Variants in CSRNP3 observed in about 807,000 individuals in gnomAD.
The protein encoded by CSRNP3 is cysteine/serine-rich nuclear protein 3.
CSRNP3 carries 12 observed loss-of-function variants against 48.0 expected under a neutral mutation model. The ratio of observed to expected loss-of-function variants is 0.25; its 90% CI spans 0.16 to 0.41. The LOEUF is 0.41. Among genes scored for constraint, CSRNP3 ranks in the 10% least tolerant of loss-of-function variants. The pLI is 1.00. For synonymous variants in CSRNP3, 263 were observed against 269.7 expected (o/e 0.98, Z 0.24); for missense variants, 580 against 724.4 (o/e 0.80, Z 2.29).
chr2:165,469,894 G>A (rs757418829), intron 1 of CSRNP3, among the ~76,000 whole-genome samples, 154 bp downstream of exon 1: 2 of 152,096 alleles, frequency 1.3e-5, no homozygotes, highest in Non-Finnish European at 1.5e-5. Flanking sequence ...AGGAAGCTTT[G>A]CAATGAGCTT....
intron 5 of CSRNP3, among the ~76,000 whole-genome samples, chr2:165,658,380 G>T (rs1319832406): frequency 2.0e-5 from 3 of 152,046 alleles, no homozygotes; most frequent in African/African-American, 7.2e-5. Context: ...CAAAATAAAA[G>T]CACAACTTCA....
At chr2:165,525,284 G>T (rs1684716962) in intron 3 of CSRNP3, among the ~76,000 whole-genome samples, 1 of 151,904 alleles carries the variant, frequency 6.6e-6, no homozygotes, top group South Asian at 2.1e-4. Context: ...TTTGAGTTTT[G>T]AGAGTTCTTT....
intron 3 of CSRNP3, among the ~76,000 whole-genome samples, chr2:165,592,821 A>G (rs1233626243): frequency 2.3e-5 from 1 of 42,554 alleles, no homozygotes; most frequent in Non-Finnish European, 4.5e-5. Flanking sequence ...TTTTTTTTTG[A>G]GACGGAGTCT....
At chr2:165,569,889 T>G (rs964086347) in intron 3 of CSRNP3, among the ~76,000 whole-genome samples, 2 of 151,898 alleles carry the variant, frequency 1.3e-5, no homozygotes, top group Admixed American at 6.6e-5. Flanking sequence ...TCTGCATGTA[T>G]TAGAAAAAAA....
chr2:165,552,848 C>T (rs1011982395), intron 3 of CSRNP3, among the ~76,000 whole-genome samples: 1 of 152,016 alleles, frequency 6.6e-6, no homozygotes, highest in Non-Finnish European at 1.5e-5. Context: ...GTGTGTGCCA[C>T]CATGCCCGGC....
At chr2:165,537,084 A>G (rs1024715085) in intron 3 of CSRNP3, among the ~76,000 whole-genome samples, 1 of 151,714 alleles carries the variant, frequency 6.6e-6, no homozygotes, top group African/African-American at 2.4e-5. Flanking sequence ...ACAGCAGTCC[A>G]GATCTCTTAT....
intron 4 of CSRNP3, among the ~76,000 whole-genome samples, chr2:165,609,820 G>GCCC (rs1364908351): frequency 6.6e-6 from 1 of 152,176 alleles, no homozygotes; most frequent in Non-Finnish European, 1.5e-5. Flanking sequence ...AAAAGATCGA[G>GCCC]AAGAGAGATG....
At chr2:165,621,457 G>C in intron 4 of CSRNP3, among the ~76,000 whole-genome samples, 1 of 152,076 alleles carries the variant, frequency 6.6e-6, no homozygotes, top group Non-Finnish European at 1.5e-5. Context: ...GGAATTCCTA[G>C]TTTTACCGAT....
At chr2:165,601,081 CA>C (rs1685906764) in intron 4 of CSRNP3, among the ~76,000 whole-genome samples, 1 of 152,192 alleles carries the variant, frequency 6.6e-6, no homozygotes, top group Non-Finnish European at 1.5e-5. Flanking sequence ...AGGCAACAAG[CA>C]TACTTACCAG....
chr2:165,548,574 G>A (rs186172194), intron 3 of CSRNP3, among the ~76,000 whole-genome samples: 9 of 152,020 alleles, frequency 5.9e-5, no homozygotes, highest in Admixed American at 3.9e-4. Context: ...CACAAAGATC[G>A]CAAACAAGAT....
Position 165,494,809 on chromosome 2 carries a change from G to T in CSRNP3, c.-232G>T. 4.7e-6 allele frequency: 1 copy of T among 211,660 alleles called. No individual in the cohort carries two copies. The highest frequency in any genetic ancestry group is 1.1e-4 in the South Asian group (1 of 9,338). 13.1% of individuals were successfully genotyped at this position (211,660 alleles called of 1,614,324 possible). A position where few individuals can be genotyped will look rare whatever the true frequency, so the allele number is the denominator to read the frequency against. On this transcript the variant is annotated 5_prime_UTR_variant, in exon 2 of 7. The change creates a premature stop within an existing upstream ORF in the 5' untranslated region. Coordinates refer to ENST00000651982, the MANE Select transcript of CSRNP3 (RefSeq NM_001172173.2). ...GAGTGGAATTTTAAAGGGGAAGTTT[G>T]AAGAAGTCAACGGCTCCTCACCCTG...
chr2:165,555,471 G>C (rs1685149815), intron 3 of CSRNP3, among the ~76,000 whole-genome samples: 1 of 152,190 alleles, frequency 6.6e-6, no homozygotes. Context: ...CGAGCAATAT[G>C]ACTCCTGTGG....
intron 3 of CSRNP3, among the ~76,000 whole-genome samples, chr2:165,527,373 T>A (rs1175067554): frequency 6.6e-6 from 1 of 151,640 alleles, no homozygotes; most frequent in African/African-American, 2.4e-5. Context: ...GCCCAGCTAA[T>A]TTTTTGTATT....
intron 3 of CSRNP3, among the ~76,000 whole-genome samples, chr2:165,567,530 A>C (rs1685313979): frequency 6.6e-6 from 1 of 152,112 alleles, no homozygotes; most frequent in South Asian, 2.1e-4. Context: ...TTCACTGGCC[A>C]CTTAAGCTAA....
At chr2:165,668,774 G>C (rs1687279192) in intron 5 of CSRNP3, among the ~76,000 whole-genome samples, 1 of 152,080 alleles carries the variant, frequency 6.6e-6, no homozygotes, top group Admixed American at 6.6e-5. Flanking sequence ...CCACAGCACT[G>C]AGATCAGCTC....
chr2:165,590,627 G>A (rs541178047), intron 3 of CSRNP3, among the ~76,000 whole-genome samples: 3 of 152,216 alleles, frequency 2.0e-5, no homozygotes, highest in East Asian at 1.9e-4. Flanking sequence ...CATGGAGGCC[G>A]TTACCTTCAT....
chr2:165,648,457 T>C (rs1237602150), intron 4 of CSRNP3, among the ~76,000 whole-genome samples: 1 of 152,170 alleles, frequency 6.6e-6, no homozygotes, highest in Non-Finnish European at 1.5e-5. Flanking sequence ...GTCAATTAGA[T>C]ATAAAAATTA....
rs184337643 is a variant in CSRNP3, at chr2:165,666,019, A to G, written c.408+7999A>G. ...AAGGAAGGATAGAGAGGAAGAAAGA[A>G]AGAGAGAGAGAGGAAGGGAGGAAGG... On this transcript the variant is annotated intron_variant, in intron 5 of 6. Coordinates refer to ENST00000651982, the MANE Select transcript of CSRNP3 (RefSeq NM_001172173.2). Among the ~76,000 whole-genome samples, 280 of 124,762 alleles carry G rather than the reference A, an allele frequency of 2.2e-3. 14 individuals are homozygous for G. In the East Asian group the frequency reaches 0.071, roughly 31 times the overall value. 81.8% of individuals were successfully genotyped at this position (124,762 alleles called of 152,430 possible). A position where few individuals can be genotyped will look rare whatever the true frequency, so the allele number is the denominator to read the frequency against.
chr2:165,566,537 T>G (rs566937323), intron 3 of CSRNP3, among the ~76,000 whole-genome samples: 2 of 152,002 alleles, frequency 1.3e-5, no homozygotes, highest in South Asian at 4.1e-4. Flanking sequence ...ATAGGCTTGT[T>G]GTGATGGTTT....
Sources: allele counts gnomAD v4.1 joint callset (sites outside exome capture counted in the v4.1 genomes callset), GRCh38; gene constraint gnomAD v4.1.1; transcripts MANE v1.5; gene names NCBI Gene and HGNC (gene_info 2026-07-23, HGNC 2026-07-21).